Variants in MGST1 observed in about 807,000 individuals in gnomAD.
MGST1 encodes the protein microsomal glutathione S-transferase 1.
A neutral mutation model predicts 8.9 loss-of-function variants in MGST1; 5 were observed. The ratio of observed to expected loss-of-function variants is 0.56; its 90% CI spans 0.29 to 1.19. The LOEUF (loss-of-function observed/expected upper bound fraction) is 1.19, where lower values mean the gene tolerates loss of function less well. MGST1 is among the 50% of genes most tolerant of loss of function. The pLI is 0.08. For synonymous variants in MGST1, 54 were observed against 67.8 expected (o/e 0.80, Z 1.00); for missense variants, 182 against 187.4 (o/e 0.97, Z 0.17).
At chr12:16,567,953 T>G (rs969823766) in intron 4 of MGST1, among the ~76,000 whole-genome samples, 1 of 152,034 alleles carries the variant, frequency 6.6e-6, no homozygotes, top group Non-Finnish European at 1.5e-5. Flanking sequence ...TTTAACAACA[T>G]GGTGGGGGTA....
At position 16,410,636 on chromosome 12, in the gene MGST1, G is replaced by A. The variant is rs1394066250; in HGVS notation, n.779-26752G>A. ...CATATAAATATTAATATATGTATAT[G>A]TAATACATATATTATATATAAACAT... On this transcript the variant is annotated intron_variant and non_coding_transcript_variant, in intron 1 of 1. Transcript: ENST00000359720. The surrounding 1 kb of genome is among the most constrained non-coding windows in gnomAD (Gnocchi z 4.4). 6.8e-6 allele frequency among the ~76,000 whole-genome samples: 1 copy of A among 146,058 alleles called. No individual in the cohort carries two copies. The highest frequency in any genetic ancestry group is 2.0e-4 in the East Asian group (1 of 5,094).
At position 16,358,069 on chromosome 12, in the gene MGST1, A is replaced by G. The variant is rs760681462; in HGVS notation, c.221+370A>G. 1.4e-4 allele frequency among the ~76,000 whole-genome samples: 21 copies of G among 152,328 alleles called. No individual in the cohort carries two copies. In the East Asian group the frequency reaches 4.1e-3, roughly 29 times the overall value. Reference sequence around the variant, plus strand: ...AGGTTGAAGAATTAGGTATTTTTGCATAAGATTCAAAATAAGAATGTTGAC... The same window carrying G: ...AGGTTGAAGAATTAGGTATTTTTGCGTAAGATTCAAAATAAGAATGTTGAC... On this transcript the variant is annotated intron_variant, in intron 3 of 3. Coordinates refer to ENST00000396210, the MANE Select transcript of MGST1 (RefSeq NM_020300.5).
At chr12:16,528,310 T>A (rs972984936) in intron 4 of MGST1, among the ~76,000 whole-genome samples, 7 of 151,970 alleles carry the variant, frequency 4.6e-5, no homozygotes, top group Non-Finnish European at 1.0e-4. Flanking sequence ...GATATGGTAC[T>A]CTGGGGAGGA....
In MGST1 at chr12:16,400,995, G is replaced by A. The variant is rs183397437; in HGVS notation, n.778+17391G>A. 2.0e-5 allele frequency: 30 copies of A among 1,508,344 alleles called. No individual in the cohort carries two copies. The East Asian group carries it at 6.3e-4, about 32-fold the overall frequency. 93.4% of individuals were successfully genotyped at this position (1,508,344 alleles called of 1,614,324 possible). A position where few individuals can be genotyped will look rare whatever the true frequency, so the allele number is the denominator to read the frequency against. The stretch of plus-strand genomic sequence containing the variant: ...AGTTGAGCCACTAGTTCTTTTTGAT[G>A]TGCTCTTCACTTCTCTTCTGCAGTC... On this transcript the variant is annotated intron_variant and non_coding_transcript_variant, in intron 1 of 1. Coordinates refer to the MGST1 transcript ENST00000359720.
Position 16,503,929 on chromosome 12 carries a change from C to A in MGST1, n.483-85599C>A, listed in dbSNP as rs576992432. On this transcript the variant is annotated intron_variant and non_coding_transcript_variant, in intron 4 of 4. Coordinates refer to the MGST1 transcript ENST00000538857. This position sits in a 1 kb window ranked among gnomAD's most constrained non-coding sequence, Gnocchi z 4.8. Reference sequence around the variant, plus strand: ...TGGGGTAGCCCTGCTCTGCAAGGCACAGTACCTCCGGTGCTGCTGTATGCT... The same window carrying A: ...TGGGGTAGCCCTGCTCTGCAAGGCAAAGTACCTCCGGTGCTGCTGTATGCT... 3.3e-5 allele frequency among the ~76,000 whole-genome samples: 5 copies of A among 152,354 alleles called. No individual in the cohort carries two copies. In the East Asian group the frequency reaches 5.8e-4, roughly 18 times the overall value.
intron 1 of MGST1, chr12:16,399,245 A>T: frequency 6.3e-7 from 1 of 1,582,306 alleles, no homozygotes; most frequent in Non-Finnish European, 8.6e-7. Flanking sequence ...GGCTAGAGGA[A>T]GAAAGGAGCT....
At chr12:16,486,404 G>C (rs1285858397) in intron 4 of MGST1, among the ~76,000 whole-genome samples, 1 of 152,100 alleles carries the variant, frequency 6.6e-6, no homozygotes, top group Non-Finnish European at 1.5e-5. Flanking sequence ...AACAATAATA[G>C]AAAATAAGGT....
At chr12:16,471,053 C>G (rs1295680167) in intron 4 of MGST1, among the ~76,000 whole-genome samples, 1 of 152,132 alleles carries the variant, frequency 6.6e-6, no homozygotes, top group Non-Finnish European at 1.5e-5. Flanking sequence ...TTTAAAAGTT[C>G]TTTGTCTTTG....
At chr12:16,376,008 C>T in intron 3 of MGST1, 1 of 627,036 alleles carries the variant, frequency 1.6e-6, no homozygotes, top group South Asian at 4.2e-5. Flanking sequence ...ACCCACACAC[C>T]TATATGTACA....
At position 16,526,049 on chromosome 12, in the gene MGST1, T is replaced by TG. The variant is rs373430434; in HGVS notation, n.483-63479_483-63478insG. Reference sequence around the variant, plus strand: ...ATTGTAGATTCTGGATATTAGCCCTTTGTCAGATGAGTAGGTTGTGAAAAT... The same window carrying TG: ...ATTGTAGATTCTGGATATTAGCCCTTGTGTCAGATGAGTAGGTTGTGAAAAT... On this transcript the variant is annotated intron_variant and non_coding_transcript_variant, in intron 4 of 4. Coordinates refer to the MGST1 transcript ENST00000538857. Among the ~76,000 whole-genome samples, 340 of 145,126 alleles carry TG rather than the reference T, an allele frequency of 2.3e-3. 8 individuals carry two copies. Among genetic ancestry groups the TG allele is most frequent in the African/African-American group, 9.0e-3 (332 of 36,758 alleles).
exon 2 of MGST1, chr12:16,438,021 A>AT (rs1448518001): frequency 3.3e-5 from 5 of 151,938 alleles, no homozygotes. Flanking sequence ...TTTAAAAAAA[A>AT]GCTTTTGCCT....
At chr12:16,460,184 C>A (rs1456046330) in intron 4 of MGST1, among the ~76,000 whole-genome samples, 6 of 152,078 alleles carry the variant, frequency 3.9e-5, no homozygotes, top group African/African-American at 1.4e-4. Context: ...GTCTGGATAG[C>A]CTTGGATAGC....
Position 16,513,789 on chromosome 12 carries a change from T to A in MGST1, n.483-75739T>A. 5.0e-6 allele frequency: 3 copies of A among 599,756 alleles called. No individual in the cohort carries two copies. The highest frequency in any genetic ancestry group is 9.9e-6 in the Non-Finnish European group (3 of 303,810). The allele number at this position is 599,756 out of a possible 1,614,324, so 37.2% of individuals were successfully genotyped here. A position where few individuals can be genotyped will look rare whatever the true frequency, so the allele number is the denominator to read the frequency against. Reference sequence around the variant, plus strand: ...CTGTGCAGACCATTTCTGGAACTAGTGCCTTAAGGATCAGAGCTAGTTTTC... The same window carrying A: ...CTGTGCAGACCATTTCTGGAACTAGAGCCTTAAGGATCAGAGCTAGTTTTC... On this transcript the variant is annotated intron_variant and non_coding_transcript_variant, in intron 4 of 4. Coordinates refer to the MGST1 transcript ENST00000538857. This position sits in a 1 kb window ranked among gnomAD's most constrained non-coding sequence, Gnocchi z 4.2.
Position 16,402,000 on chromosome 12 carries a change from T to A in MGST1, n.778+18396T>A. 1.2e-6 allele frequency: 2 copies of A among 1,611,712 alleles called. No individual in the cohort carries two copies. The highest frequency in any genetic ancestry group is 1.7e-6 in the Non-Finnish European group (2 of 1,177,886). On this transcript the variant is annotated intron_variant and non_coding_transcript_variant, in intron 1 of 1. Transcript: ENST00000359720. This position sits in a 1 kb window ranked among gnomAD's most constrained non-coding sequence, Gnocchi z 4.3. ...GCTCTTCATGAACTCTCCAGGGAATTTGTCTTTGCTGAACACTCCAATCTT... is the reference window on the plus strand; with the variant it reads ...GCTCTTCATGAACTCTCCAGGGAATATGTCTTTGCTGAACACTCCAATCTT...
intron 1 of MGST1, among the ~76,000 whole-genome samples, chr12:16,435,946 G>A (rs1940981600): frequency 6.6e-6 from 1 of 151,520 alleles, no homozygotes; most frequent in African/African-American, 2.4e-5. Flanking sequence ...AAAATATAGA[G>A]TCTGTATGAT....
At chr12:16,411,970 T>C (rs1361220382) in intron 1 of MGST1, among the ~76,000 whole-genome samples, 1 of 152,150 alleles carries the variant, frequency 6.6e-6, no homozygotes, top group Non-Finnish European at 1.5e-5. Context: ...AAGGTTGTTG[T>C]AAGGATAACA....
At chr12:16,444,732 C>A (rs912681613) in intron 4 of MGST1, among the ~76,000 whole-genome samples, 5 of 151,812 alleles carry the variant, frequency 3.3e-5, no homozygotes, top group Non-Finnish European at 7.4e-5. Flanking sequence ...CCTGCTCATG[C>A]AATTTACTTA....
chr12:16,590,834 G>C (rs1358980593), downstream of MGST1, among the ~76,000 whole-genome samples: 1 of 151,848 alleles, frequency 6.6e-6, no homozygotes, highest in Non-Finnish European at 1.5e-5. Flanking sequence ...CCCTTAGATT[G>C]GCAACAGATC....
chr12:16,563,879 G>A (rs750397259), intron 4 of MGST1, among the ~76,000 whole-genome samples: 1 of 152,164 alleles, frequency 6.6e-6, no homozygotes, highest in Non-Finnish European at 1.5e-5. Context: ...ATTTTAAGAT[G>A]TCTTATAGAT....
Sources: allele counts gnomAD v4.1 joint callset (sites outside exome capture counted in the v4.1 genomes callset), GRCh38; gene constraint gnomAD v4.1.1; non-coding constraint Gnocchi (gnomAD v3.1); transcripts MANE v1.5; gene names NCBI Gene and HGNC (gene_info 2026-07-23, HGNC 2026-07-21).